Variants in EPB41L2 observed in about 807,000 individuals in gnomAD.
EPB41L2 encodes the protein band 4.1-like protein 2.
EPB41L2 carries 43 observed loss-of-function variants against 113.0 expected under a neutral mutation model. That is an observed-to-expected ratio of 0.38 (90% CI 0.30 to 0.49). The LOEUF is 0.49. Ranked by LOEUF, EPB41L2 falls within the 20% of genes least tolerant of loss-of-function variation. The pLI is 0.95. For missense variants in EPB41L2, 1,147 were observed against 1,223.4 expected, an observed-to-expected ratio of 0.94 and a Z score of 0.93; for synonymous variants, 442 against 436.7, an observed-to-expected ratio of 1.01 and a Z score of -0.15.
chr6:130,855,245 G>A (rs181147992), intron 19 of EPB41L2, among the ~76,000 whole-genome samples: 84 of 152,142 alleles, frequency 5.5e-4, no homozygotes, highest in Non-Finnish European at 1.1e-3. Context: ...AGCTACTTGG[G>A]AGGCTGAGGC....
intron 1 of EPB41L2, among the ~76,000 whole-genome samples, chr6:131,024,974 A>G (rs1024440706): frequency 1.3e-5 from 2 of 151,922 alleles, no homozygotes; most frequent in Non-Finnish European, 2.9e-5. Context: ...TCTTCATTCT[A>G]TGGGTATCAT....
chr6:131,023,676 C>G (rs972621593), intron 1 of EPB41L2, among the ~76,000 whole-genome samples: 8 of 134,252 alleles, frequency 6.0e-5, no homozygotes, highest in Non-Finnish European at 8.3e-5. Flanking sequence ...CAGAGTGAGA[C>G]TTCGTCTCAA....
At chr6:130,950,552 A>G (rs1303733516) in intron 3 of EPB41L2, among the ~76,000 whole-genome samples, 1 of 151,954 alleles carries the variant, frequency 6.6e-6, no homozygotes, top group Admixed American at 6.6e-5. Flanking sequence ...TTCCACTTCC[A>G]CTCTTCTCCC....
At chr6:130,926,571 C>T in intron 4 of EPB41L2, 34 bp downstream of exon 4, 1 of 1,447,108 alleles carries the variant, frequency 6.9e-7, no homozygotes. Flanking sequence ...ACAATATGTT[C>T]TAAAAAGATA....
At chr6:130,930,887 G>T (rs1357079331) in intron 3 of EPB41L2, among the ~76,000 whole-genome samples, 1 of 152,034 alleles carries the variant, frequency 6.6e-6, no homozygotes, top group African/African-American at 2.4e-5. Context: ...ATATGAAAAA[G>T]CAGGTTTTGA....
intron 1 of EPB41L2, among the ~76,000 whole-genome samples, chr6:130,983,756 T>C (rs1779902738): frequency 6.6e-6 from 1 of 152,074 alleles, no homozygotes; most frequent in South Asian, 2.1e-4. Context: ...CTCAAGCTCC[T>C]GGGTTCAAGC....
chr6:130,873,459 T>C (rs1786420102), intron 14 of EPB41L2, among the ~76,000 whole-genome samples: 1 of 126,926 alleles, frequency 7.9e-6, no homozygotes, highest in South Asian at 2.8e-4. Context: ...TAAACCCCAC[T>C]ATTCAGGTTT....
chr6:130,861,438 A>G (rs1302847013), intron 18 of EPB41L2, among the ~76,000 whole-genome samples: 1 of 152,228 alleles, frequency 6.6e-6, no homozygotes, highest in Non-Finnish European at 1.5e-5. Flanking sequence ...TCACTCTATG[A>G]TCAACATCGG....
chr6:130,951,312 CTTTTTTTTTTTT>C (rs34082234), intron 3 of EPB41L2, among the ~76,000 whole-genome samples: 4,794 of 50,716 alleles, frequency 0.095, 189 homozygotes, highest in Non-Finnish European at 0.12. Context: ...AGCCTCAGTA[CTTTTTTTTTTTT>C]TTTTTTTTTT....
At chr6:130,911,990 T>C (rs1160940737) in intron 4 of EPB41L2, among the ~76,000 whole-genome samples, 1 of 152,214 alleles carries the variant, frequency 6.6e-6, no homozygotes, top group East Asian at 1.9e-4. Context: ...AAGTGGGCAT[T>C]ACCACCTGAG....
intron 19 of EPB41L2, among the ~76,000 whole-genome samples, chr6:130,849,963 G>A (rs913650513): frequency 1.2e-4 from 18 of 152,174 alleles, no homozygotes; most frequent in African/African-American, 3.9e-4. Flanking sequence ...GCAAGCAGTG[G>A]TGGCTTATGC....
chr6:131,012,126 AC>A (rs1398496861), intron 1 of EPB41L2, among the ~76,000 whole-genome samples: 2 of 151,540 alleles, frequency 1.3e-5, no homozygotes, highest in African/African-American at 2.4e-5. Flanking sequence ...AATCACTTTA[AC>A]CCAGGAGGCA....
At chr6:130,933,383 TTCTA>T (rs1807581821) in intron 3 of EPB41L2, among the ~76,000 whole-genome samples, 1 of 152,196 alleles carries the variant, frequency 6.6e-6, no homozygotes, top group Non-Finnish European at 1.5e-5. Flanking sequence ...GAATATAACT[TTCTA>T]TATTAAATAT....
At chr6:131,033,339 C>T (rs1427597465) in intron 1 of EPB41L2, among the ~76,000 whole-genome samples, 1 of 152,082 alleles carries the variant, frequency 6.6e-6, no homozygotes, top group Non-Finnish European at 1.5e-5. Context: ...TTATGAGTTG[C>T]TGGCAGGAAT....
intron 1 of EPB41L2, among the ~76,000 whole-genome samples, chr6:131,003,213 G>A (rs1423540268): frequency 3.9e-5 from 6 of 152,048 alleles, no homozygotes; most frequent in East Asian, 1.9e-4. Context: ...ACCAGAATAC[G>A]AGCCTCACTT....
chr6:130,935,277 T>G (rs1211787555), intron 3 of EPB41L2, among the ~76,000 whole-genome samples: 2 of 152,222 alleles, frequency 1.3e-5, no homozygotes, highest in African/African-American at 4.8e-5. Flanking sequence ...AGGTTCACCT[T>G]TAATAAAATC....
intron 1 of EPB41L2, among the ~76,000 whole-genome samples, chr6:131,019,383 C>A (rs1312731139): frequency 6.6e-6 from 1 of 152,108 alleles, no homozygotes; most frequent in African/African-American, 2.4e-5. Context: ...AATTTTGATT[C>A]CTCCTTTCCA....
At chr6:130,858,268 G>A in intron 18 of EPB41L2, 25 bp from the exon 19 acceptor site, 1 of 1,586,008 alleles carries the variant, frequency 6.3e-7, no homozygotes. Context: ...ACAGAGAACG[G>A]CTGTGAGCTG....
At chr6:131,036,879 G>A (rs559079220) in intron 1 of EPB41L2, among the ~76,000 whole-genome samples, 3 of 152,284 alleles carry the variant, frequency 2.0e-5, no homozygotes, top group Non-Finnish European at 4.4e-5. Context: ...CAGGATAAGC[G>A]TACTTATGCA....
Sources: gnomAD v4.1 joint callset for allele counts (sites outside exome capture counted in the v4.1 genomes callset) on GRCh38, gnomAD v4.1.1 for gene constraint, MANE v1.5 for transcripts, NCBI Gene and HGNC (gene_info 2026-07-23, HGNC 2026-07-21) for gene names.